The following WSCD1 variants were observed in gnomAD, a reference collection of about 807,000 sequenced individuals.
WSCD1 encodes WSC domain sialate O sulfotransferase 1, also known as sialate:O-sulfotransferase 1.
Under a neutral mutation model 60.4 loss-of-function variants are expected in WSCD1, and 41 were observed. That is an observed-to-expected ratio of 0.68 (90% CI 0.53 to 0.88). The LOEUF (loss-of-function observed/expected upper bound fraction) is 0.88, where lower values mean the gene tolerates loss of function less well. Among genes scored for constraint, WSCD1 ranks in the 40% least tolerant of loss-of-function variants. The pLI, the probability that WSCD1 is intolerant of heterozygous loss-of-function variation, is 0.00. For synonymous variants in WSCD1, 361 were observed against 332.5 expected, an observed-to-expected ratio of 1.09 and a Z score of -0.93; for missense variants, 784 against 796.2, an observed-to-expected ratio of 0.98 and a Z score of 0.18.
Position 6,123,050 on chromosome 17 carries a change from G to T in WSCD1, c.*2389G>T, listed in dbSNP as rs1397470879. The T allele has an allele frequency of 6.6e-6, 1 of 152,256 alleles. No homozygotes were observed. Among genetic ancestry groups the T allele is most frequent in the Non-Finnish European group, 1.5e-5 (1 of 68,068 alleles). 9.4% of individuals were successfully genotyped at this position (152,256 alleles called of 1,614,324 possible). A position where few individuals can be genotyped will look rare whatever the true frequency, so the allele number is the denominator to read the frequency against. ...TCATCAGAAACAGGAACGGGGATCTGTCTGTGCTTGCAGGAAAGTCCATTT... is the reference window on the plus strand; with the variant it reads ...TCATCAGAAACAGGAACGGGGATCTTTCTGTGCTTGCAGGAAAGTCCATTT... On this transcript the variant is annotated 3_prime_UTR_variant, in exon 9 of 9. Coordinates refer to ENST00000317744, the MANE Select transcript of WSCD1 (RefSeq NM_015253.2).
rs566051274 is a variant in WSCD1, at chr17:6,122,346, G to C, written c.*1685G>C. ...CTGGTGGCCTCCAAATCCTTCCTGG[G>C]ATTCCCCCAAACCCACACTGATGCG... On this transcript the variant is annotated 3_prime_UTR_variant, in exon 9 of 9. Transcript: ENST00000317744. 1 of 152,200 alleles carries C rather than the reference G, an allele frequency of 6.6e-6. No homozygotes were observed. The highest frequency in any genetic ancestry group is 1.5e-5 in the Non-Finnish European group (1 of 68,046). The allele number at this position is 152,200 out of a possible 1,614,324, so 9.4% of individuals were successfully genotyped here. A position where few individuals can be genotyped will look rare whatever the true frequency, so the allele number is the denominator to read the frequency against.
intron 7 of WSCD1, 72 bp from the exon 8 acceptor site, chr17:6,117,916 T>A: frequency 6.6e-7 from 1 of 1,511,706 alleles, no homozygotes; most frequent in Non-Finnish European, 9.1e-7. Flanking sequence ...CTTTACCCAA[T>A]CTGTCTGCTG....
chr17:6,093,518 C>T (rs1321064002), intron 4 of WSCD1, among the ~76,000 whole-genome samples: 2 of 152,180 alleles, frequency 1.3e-5, no homozygotes, highest in African/African-American at 4.8e-5. Flanking sequence ...CCTGATGACT[C>T]TCCCCATTGT....
intron 4 of WSCD1, among the ~76,000 whole-genome samples, chr17:6,093,898 G>A (rs1368499616): frequency 6.6e-6 from 1 of 152,230 alleles, no homozygotes; most frequent in Non-Finnish European, 1.5e-5. Flanking sequence ...ACACTAGGCT[G>A]TTGTCTGTGC....
At chr17:6,088,498 A>G (rs1909805642) in intron 3 of WSCD1, among the ~76,000 whole-genome samples, 1 of 152,228 alleles carries the variant, frequency 6.6e-6, no homozygotes, top group Non-Finnish European at 1.5e-5. Flanking sequence ...ACAATAAGAT[A>G]AAGGGCTTTA....
intron 3 of WSCD1, among the ~76,000 whole-genome samples, chr17:6,089,739 C>T (rs1177664666): frequency 6.6e-6 from 1 of 152,208 alleles, no homozygotes; most frequent in Non-Finnish European, 1.5e-5. Context: ...TACTGAGAAC[C>T]AGCTTACAGG....
rs186409117 is a variant in WSCD1, at chr17:6,118,220, G to T, written c.1375+32G>T. On this transcript the variant is annotated intron_variant, in intron 8 of 8. Coordinates refer to ENST00000317744, the MANE Select transcript of WSCD1 (RefSeq NM_015253.2). This position sits in a 1 kb window ranked among gnomAD's most constrained non-coding sequence, Gnocchi z 5.8. Reference sequence around the variant, plus strand: ...AAGGACCTTGCGGTGGGGGTGGGAGGCTTGTCAGTACAGGTAGGTTGCTCA... The same window carrying T: ...AAGGACCTTGCGGTGGGGGTGGGAGTCTTGTCAGTACAGGTAGGTTGCTCA... 2.5e-6 allele frequency: 4 copies of T among 1,609,312 alleles called. No individual in the cohort carries two copies. In the Middle Eastern group the frequency reaches 5.1e-4, roughly 205 times the overall value.
chr17:6,079,145 C>A (rs1165298781), intron 1 of WSCD1, among the ~76,000 whole-genome samples: 1 of 152,224 alleles, frequency 6.6e-6, no homozygotes, highest in Admixed American at 6.5e-5. Flanking sequence ...GGGTCTTTGT[C>A]CGAAGCCTCC....
chr17:6,111,936 A>G (rs532135544), intron 7 of WSCD1, among the ~76,000 whole-genome samples: 32 of 152,336 alleles, frequency 2.1e-4, no homozygotes, highest in Non-Finnish European at 4.0e-4. Flanking sequence ...AATAGATATC[A>G]TACAAACAAC....
At chr17:6,090,562 C>T in intron 4 of WSCD1, 57 bp downstream of exon 4, 1 of 1,580,626 alleles carries the variant, frequency 6.3e-7, no homozygotes. Flanking sequence ...GCTCTGGCTG[C>T]CCATCCCCCA....
chr17:6,119,786 G>A (rs1904540326), intron 8 of WSCD1, among the ~76,000 whole-genome samples: 1 of 152,148 alleles, frequency 6.6e-6, no homozygotes, highest in Non-Finnish European at 1.5e-5. Context: ...GCTTCAGACG[G>A]CGTTTGAGGT....
intron 5 of WSCD1, among the ~76,000 whole-genome samples, chr17:6,095,648 G>A (rs8069663): frequency 0.029 from 4,416 of 152,254 alleles, 197 homozygotes; most frequent in African/African-American, 0.096. Flanking sequence ...TGCATCTTTG[G>A]TTTAGCCTGG....
At chr17:6,091,710 G>C (rs978453368) in intron 4 of WSCD1, among the ~76,000 whole-genome samples, 5 of 152,190 alleles carry the variant, frequency 3.3e-5, no homozygotes, top group Non-Finnish European at 7.3e-5. Flanking sequence ...GAGCCTGGGA[G>C]ACCACCCCCA....
intron 5 of WSCD1, among the ~76,000 whole-genome samples, chr17:6,100,669 G>A (rs956074334): frequency 6.6e-6 from 1 of 152,176 alleles, no homozygotes; most frequent in Non-Finnish European, 1.5e-5. Context: ...GTTGGGATCT[G>A]TCTGTGCATT....
At chr17:6,077,515 G>A (rs1908944647) in intron 1 of WSCD1, among the ~76,000 whole-genome samples, 1 of 152,172 alleles carries the variant, frequency 6.6e-6, no homozygotes, top group Non-Finnish European at 1.5e-5. Flanking sequence ...GCCTGCACGT[G>A]GCTGTCTGTT....
intron 7 of WSCD1, among the ~76,000 whole-genome samples, chr17:6,111,562 G>A (rs761906710): frequency 3.9e-5 from 6 of 151,970 alleles, no homozygotes; most frequent in South Asian, 2.1e-4. Flanking sequence ...TTAGCTGGGC[G>A]CGGTGGTAGG....
intron 4 of WSCD1, among the ~76,000 whole-genome samples, chr17:6,094,694 G>A (rs971879539): frequency 6.9e-6 from 1 of 145,782 alleles, no homozygotes; most frequent in South Asian, 2.3e-4. Context: ...AGGAAGGAAG[G>A]AAGGAAGGGA....
Position 6,086,250 on chromosome 17 carries a change from C to CATATATAT in WSCD1, c.428-1722_428-1715dup, listed in dbSNP as rs61690560. On this transcript the variant is annotated intron_variant, in intron 2 of 8. Transcript: ENST00000317744. ...GCAGTCAGTAAGACCGTCCTGACTT[C>CATATATAT]ATATATATATATATATATATATATA... Among the ~76,000 whole-genome samples the CATATATAT allele has an allele frequency of 3.2e-3, 317 of 98,214 alleles. 17 individuals are homozygous for CATATATAT. The highest frequency in any genetic ancestry group is 0.012 in the East Asian group (40 of 3,340). 64.4% of individuals were successfully genotyped at this position (98,214 alleles called of 152,430 possible).
At chr17:6,105,129 G>A (rs1597366410) in intron 5 of WSCD1, among the ~76,000 whole-genome samples, 3 of 152,304 alleles carry the variant, frequency 2.0e-5, no homozygotes, top group African/African-American at 7.2e-5. Flanking sequence ...CAGCCTCAGA[G>A]CCCTGCCCTT....
Sources: allele counts gnomAD v4.1 joint callset (sites outside exome capture counted in the v4.1 genomes callset), GRCh38; gene constraint gnomAD v4.1.1; non-coding constraint Gnocchi (gnomAD v3.1); transcripts MANE v1.5; gene names NCBI Gene and HGNC (gene_info 2026-07-23, HGNC 2026-07-21).